The following DPP4 variants were observed in gnomAD, a reference collection of about 807,000 sequenced individuals.
DPP4 encodes the protein dipeptidyl peptidase 4.
Under a neutral mutation model 122.4 loss-of-function variants are expected in DPP4, and 93 were observed. The ratio of observed to expected loss-of-function variants is 0.76; its 90% CI spans 0.64 to 0.90. The LOEUF is 0.90. DPP4 is among the 40% of genes least tolerant of loss of function. DPP4 has a pLI of 0.00. For missense variants in DPP4, 914 were observed against 907.3 expected (o/e 1.01, Z -0.09); for synonymous variants, 321 against 302.9 (o/e 1.06, Z -0.62).
intron 2 of DPP4, among the ~76,000 whole-genome samples, chr2:162,052,795 T>C (rs1056718431): frequency 1.3e-5 from 2 of 152,260 alleles, no homozygotes; most frequent in Non-Finnish European, 1.5e-5. Context: ...TTCTCAGAAA[T>C]TATCTAAGTG....
At chr2:162,028,826 A>AAAGAAACTT (rs1179156477) in intron 10 of DPP4, among the ~76,000 whole-genome samples, 1 of 152,234 alleles carries the variant, frequency 6.6e-6, no homozygotes, top group Admixed American at 6.5e-5. Flanking sequence ...CTCTGCAGAC[A>AAAGAAACTT]AAGAAACTTA....
chr2:162,022,839 A>G (rs202199849), intron 11 of DPP4, 40 bp from the exon 12 acceptor site: 18 of 1,605,762 alleles, frequency 1.1e-5, no homozygotes, highest in Non-Finnish European at 1.5e-5. Context: ...TTCAAAGAGA[A>G]GTCAGATGAA....
chr2:162,033,810 G>A (rs1683656222), intron 9 of DPP4, among the ~76,000 whole-genome samples, 157 bp from the exon 10 acceptor site: 2 of 143,986 alleles, frequency 1.4e-5, no homozygotes, highest in Non-Finnish European at 3.0e-5. Context: ...ATGAACATAA[G>A]GGAGAGTCAT....
At chr2:162,016,618 T>C in intron 18 of DPP4, 150 bp downstream of exon 18, 1 of 521,938 alleles carries the variant, frequency 1.9e-6, no homozygotes, top group South Asian at 4.2e-5. Context: ...GTAAAATTAG[T>C]ATTTCTTGTG....
At chr2:162,046,745 T>TA (rs1351585984) in intron 4 of DPP4, 170 bp downstream of exon 4, 2 of 676,682 alleles carry the variant, frequency 3.0e-6, no homozygotes, top group Non-Finnish European at 5.5e-6. Context: ...CAAAGGAGAC[T>TA]AAAAAGTAGC....
At chr2:162,072,541 T>C (rs1685153318) in intron 2 of DPP4, among the ~76,000 whole-genome samples, 1 of 152,212 alleles carries the variant, frequency 6.6e-6, no homozygotes, top group Admixed American at 6.5e-5. Context: ...TGACTATACA[T>C]TCCTCAGTTG....
chr2:162,022,393 G>T (rs912162668), intron 12 of DPP4, among the ~76,000 whole-genome samples: 1 of 152,198 alleles, frequency 6.6e-6, no homozygotes, highest in African/African-American at 2.4e-5. Context: ...GCTGGGGACA[G>T]AACCTGTGTT....
At chr2:162,009,355 G>A (rs1576037240) in intron 20 of DPP4, 60 bp from the exon 21 acceptor site, 3 of 1,490,278 alleles carry the variant, frequency 2.0e-6, no homozygotes, top group Non-Finnish European at 1.9e-6. Flanking sequence ...AAACTTAGAT[G>A]AGGCACAAAT....
chr2:161,995,339 T>C lies in DPP4; in HGVS notation c.2086A>G (p.Lys696Glu). ...STVMSRAENF[K>E]QVEYLLIHGT... is the part of the protein sequence containing the mutation. ...TGAATAAGGAGGTACTCAACTTGTT[T>C]AAAATTTTCAGCTCTGCTCATGACT... Residue 696 changes from lysine to glutamate, a missense_variant, in exon 24 of 26, where the codon AAA becomes GAA. Lys to Glu is a moderately conservative substitution (Grantham distance 56). Coordinates refer to ENST00000360534, the MANE Select transcript of DPP4 (RefSeq NM_001935.4). 6.2e-7 allele frequency: 1 copy of C among 1,614,134 alleles called. No homozygotes were observed. Among genetic ancestry groups the C allele is most frequent in the Non-Finnish European group, 8.5e-7 (1 of 1,179,976 alleles).
intron 4 of DPP4, chr2:162,046,574 T>A (rs1368869468): frequency 2.6e-6 from 1 of 391,538 alleles, no homozygotes; most frequent in East Asian, 6.8e-5. Flanking sequence ...TAGCGTTAAG[T>A]GTGTGTATAC....
chr2:162,074,110 C>G lies in DPP4; in HGVS notation c.-129G>C. 1 of 1,464,086 alleles carries G rather than the reference C, an allele frequency of 6.8e-7. No individual in the cohort carries two copies. The highest frequency in any genetic ancestry group is 9.0e-7 in the Non-Finnish European group (1 of 1,106,686). 90.7% of individuals were successfully genotyped at this position (1,464,086 alleles called of 1,614,324 possible). On this transcript the variant is annotated 5_prime_UTR_variant, in exon 1 of 26. Transcript: ENST00000360534. ...GTCACTCGCCGCTGGCAAGTTTCGG[C>G]CCCGAGTTAAACATTAGTGAGCGCC... is the stretch of plus-strand genomic sequence containing the variant.
chr2:162,059,735 T>C (rs1388604490), intron 2 of DPP4, among the ~76,000 whole-genome samples: 2 of 152,174 alleles, frequency 1.3e-5, no homozygotes, highest in African/African-American at 4.8e-5. Flanking sequence ...AAAACAATTA[T>C]TGGAAAACAA....
At chr2:162,060,199 G>T (rs1262428901) in intron 2 of DPP4, among the ~76,000 whole-genome samples, 1 of 152,166 alleles carries the variant, frequency 6.6e-6, no homozygotes, top group Non-Finnish European at 1.5e-5. Flanking sequence ...GATGAATTAG[G>T]CTTTATGGAA....
chr2:162,047,366 T>TAAGCATAA (rs1370659007), intron 3 of DPP4, 37 bp downstream of exon 3: 3 of 1,214,626 alleles, frequency 2.5e-6, no homozygotes, highest in African/African-American at 3.0e-5. Flanking sequence ...AGAATGAATG[T>TAAGCATAA]AAGCATAAAA....
chr2:162,046,870 A>G, intron 4 of DPP4, 45 bp downstream of exon 4: 1 of 1,296,822 alleles, frequency 7.7e-7, no homozygotes, highest in South Asian at 1.2e-5. Flanking sequence ...AATGAAAAAA[A>G]TCCCCAGAAT....
chr2:162,003,969 G>C (rs907695243), intron 23 of DPP4, among the ~76,000 whole-genome samples: 1 of 152,242 alleles, frequency 6.6e-6, no homozygotes, highest in Admixed American at 6.5e-5. Flanking sequence ...GATTCCAAAG[G>C]GGATGCTACT....
chr2:162,011,120 C>T (rs1338479163), intron 20 of DPP4, among the ~76,000 whole-genome samples: 1 of 152,112 alleles, frequency 6.6e-6, no homozygotes. Flanking sequence ...AGCGACAATG[C>T]CTGCAGGTAA....
chr2:162,045,874 T>C (rs1684155699), intron 4 of DPP4, among the ~76,000 whole-genome samples: 1 of 152,142 alleles, frequency 6.6e-6, no homozygotes, highest in Non-Finnish European at 1.5e-5. Flanking sequence ...GAAAACTTTC[T>C]CAACAGTGGG....
At chr2:162,049,985 A>G (rs1490330845) in intron 2 of DPP4, among the ~76,000 whole-genome samples, 1 of 152,190 alleles carries the variant, frequency 6.6e-6, no homozygotes. Context: ...TTCATCCCTA[A>G]AAGTTAGTAG....
Sources: allele counts gnomAD v4.1 joint callset (sites outside exome capture counted in the v4.1 genomes callset), GRCh38; gene constraint gnomAD v4.1.1; transcripts MANE v1.5; gene names NCBI Gene and HGNC (gene_info 2026-07-23, HGNC 2026-07-21).